Variants in KCNH1 observed in about 807,000 individuals in gnomAD.
The protein encoded by KCNH1 is voltage-gated delayed rectifier potassium channel KCNH1.
Under a neutral mutation model 69.2 loss-of-function variants are expected in KCNH1, and 27 were observed. The observed-to-expected ratio is 0.39, with a 90% CI of 0.29 to 0.54. The LOEUF (loss-of-function observed/expected upper bound fraction) is 0.54, where lower values mean the gene tolerates loss of function less well. Ranked by LOEUF, KCNH1 falls within the 20% of genes least tolerant of loss-of-function variation. The probability of loss-of-function intolerance (pLI) is 0.68; values close to 1 mark genes in which losing one functional copy is unlikely to be tolerated. For synonymous variants in KCNH1, 456 were observed against 487.7 expected, an observed-to-expected ratio of 0.93 and a Z score of 0.86; for missense variants, 798 against 1,261.6, an observed-to-expected ratio of 0.63 and a Z score of 5.57.
At chr1:210,971,037 A>T (rs895744885) in intron 6 of KCNH1, among the ~76,000 whole-genome samples, 3 of 152,186 alleles carry the variant, frequency 2.0e-5, no homozygotes, top group African/African-American at 7.2e-5. Context: ...ATAAACATGA[A>T]AGAAAGCTCA....
chr1:210,801,347 G>T (rs540100605), intron 8 of KCNH1, among the ~76,000 whole-genome samples: 1 of 152,314 alleles, frequency 6.6e-6, no homozygotes, highest in Non-Finnish European at 1.5e-5. Context: ...GGGCAGATGG[G>T]GAGAGGTATA....
chr1:210,853,725 C>T (rs1430590772), intron 7 of KCNH1, among the ~76,000 whole-genome samples: 1 of 152,126 alleles, frequency 6.6e-6, no homozygotes, highest in East Asian at 1.9e-4. Context: ...TGGTTTGCAT[C>T]TTTCTTGCCA....
At chr1:210,987,217 C>T (rs940588272) in intron 6 of KCNH1, among the ~76,000 whole-genome samples, 38 of 152,078 alleles carry the variant, frequency 2.5e-4, no homozygotes, top group South Asian at 2.1e-4. Context: ...ACTTCTTTGC[C>T]GTGGGTTTGA....
intron 7 of KCNH1, among the ~76,000 whole-genome samples, chr1:210,833,557 G>A (rs1048521954): frequency 1.3e-5 from 2 of 152,058 alleles, no homozygotes; most frequent in African/African-American, 2.4e-5. Flanking sequence ...AGACTTAAAC[G>A]TTAGACCTAA....
At chr1:211,117,002 T>C (rs1378001168) in intron 1 of KCNH1, among the ~76,000 whole-genome samples, 1 of 152,198 alleles carries the variant, frequency 6.6e-6, no homozygotes, top group Non-Finnish European at 1.5e-5. Context: ...AGCACATTAA[T>C]AAGAATCAAA....
At chr1:210,998,641 T>A (rs913289182) in intron 6 of KCNH1, among the ~76,000 whole-genome samples, 1 of 152,196 alleles carries the variant, frequency 6.6e-6, no homozygotes, top group African/African-American at 2.4e-5. Context: ...GGAATTGAAC[T>A]CAGCTCTGCC....
intron 6 of KCNH1, among the ~76,000 whole-genome samples, chr1:210,997,353 T>G (rs201449277): frequency 6.6e-6 from 1 of 152,140 alleles, no homozygotes; most frequent in African/African-American, 2.4e-5. Context: ...GCTCCAGAAC[T>G]ACGTGAAGAA....
intron 6 of KCNH1, among the ~76,000 whole-genome samples, chr1:211,016,685 G>C (rs925023858): frequency 6.6e-6 from 1 of 151,974 alleles, no homozygotes; most frequent in Non-Finnish European, 1.5e-5. Flanking sequence ...GAGGCAGGCA[G>C]ATCACTTGAG....
rs1481220952 is a variant in KCNH1 at position 210,860,924 on chromosome 1, T to C, written c.1463-56758A>G. The stretch of plus-strand genomic sequence containing the variant: ...ACATGATTCTGCAACATGTATTCCA[T>C]CTGATCATTACAGATCTTTTTCTTC... On this transcript the variant is annotated intron_variant, in intron 7 of 10. Transcript: ENST00000271751. 4 of 944,422 alleles carry C rather than the reference T, an allele frequency of 4.2e-6. No homozygotes were observed. In the East Asian group the frequency reaches 7.2e-5, roughly 17 times the overall value. The allele number at this position is 944,422 out of a possible 1,614,324, so 58.5% of individuals were successfully genotyped here.
chr1:210,891,866 T>C (rs1386633962), intron 7 of KCNH1, among the ~76,000 whole-genome samples: 1 of 152,192 alleles, frequency 6.6e-6, no homozygotes, highest in African/African-American at 2.4e-5. Flanking sequence ...ATATTCACCG[T>C]GGATACTATG....
intron 1 of KCNH1, among the ~76,000 whole-genome samples, chr1:211,112,501 T>TAAAA (rs74258707): frequency 1.4e-3 from 179 of 126,040 alleles, no homozygotes; most frequent in East Asian, 4.0e-3. Context: ...ATTAAATAAA[T>TAAAA]AAAAAAAAAA....
chr1:211,108,620 A>T (rs1691403541), intron 1 of KCNH1: 1 of 152,232 alleles, frequency 6.6e-6, no homozygotes, highest in Non-Finnish European at 1.5e-5. Context: ...TTGGAAGAAG[A>T]CAGGGCCTGA....
intron 10 of KCNH1, among the ~76,000 whole-genome samples, chr1:210,684,528 C>G (rs1472683131): frequency 6.6e-6 from 1 of 152,304 alleles, no homozygotes; most frequent in East Asian, 1.9e-4. Context: ...ATCTGATGAG[C>G]CTTTCAAATA....
chr1:210,926,617 G>C (rs1166046204), intron 6 of KCNH1, among the ~76,000 whole-genome samples: 1 of 151,958 alleles, frequency 6.6e-6, no homozygotes, highest in Admixed American at 6.6e-5. Flanking sequence ...AAATGAGAAG[G>C]AACCAGAAAA....
intron 7 of KCNH1, among the ~76,000 whole-genome samples, chr1:210,907,715 T>C (rs1370509663): frequency 6.6e-6 from 1 of 151,952 alleles, no homozygotes; most frequent in Non-Finnish European, 1.5e-5. Flanking sequence ...AGCACTTTGA[T>C]GGAAAAAAAG....
chr1:210,986,661 T>C (rs976852951), intron 6 of KCNH1, among the ~76,000 whole-genome samples: 3 of 152,216 alleles, frequency 2.0e-5, no homozygotes, highest in African/African-American at 7.2e-5. Context: ...CAGCTGTTAG[T>C]CTGATGGGTT....
At chr1:211,004,275 G>C (rs1689238912) in intron 6 of KCNH1, among the ~76,000 whole-genome samples, 1 of 152,154 alleles carries the variant, frequency 6.6e-6, no homozygotes, top group South Asian at 2.1e-4. Context: ...AAATTTACCA[G>C]ATGGAAGGTA....
intron 6 of KCNH1, among the ~76,000 whole-genome samples, chr1:210,995,348 CTTG>C (rs1689009957): frequency 1.3e-5 from 2 of 152,176 alleles, no homozygotes; most frequent in African/African-American, 2.4e-5. Context: ...TCACAGAAAT[CTTG>C]GCCCAGATAA....
At chr1:210,995,091 C>T (rs75538394) in intron 6 of KCNH1, among the ~76,000 whole-genome samples, 19,581 of 152,174 alleles carry the variant, frequency 0.13, 1,472 homozygotes, top group South Asian at 0.28. Flanking sequence ...GCACCATCTA[C>T]CAAGCTAAGA....
Sources: allele counts gnomAD v4.1 joint callset (sites outside exome capture counted in the v4.1 genomes callset), GRCh38; gene constraint gnomAD v4.1.1; transcripts MANE v1.5; gene names NCBI Gene and HGNC (gene_info 2026-07-23, HGNC 2026-07-21).